SH3RF1: variants seen among roughly 807,000 people sequenced by gnomAD.
The protein encoded by SH3RF1 is SH3 domain containing ring finger 1.
A neutral mutation model predicts 74.0 loss-of-function variants in SH3RF1; 32 were observed. The ratio of observed to expected loss-of-function variants is 0.43; its 90% CI spans 0.33 to 0.58. The LOEUF is 0.58. Among genes scored for constraint, SH3RF1 ranks in the 20% least tolerant of loss-of-function variants. SH3RF1 has a pLI of 0.05. For synonymous variants in SH3RF1, 396 were observed against 439.6 expected (o/e 0.90, Z 1.24); for missense variants, 954 against 1,130.9 (o/e 0.84, Z 2.24).
intron 2 of SH3RF1, among the ~76,000 whole-genome samples, chr4:169,174,028 T>G (rs1420615292): frequency 6.6e-6 from 1 of 150,612 alleles, no homozygotes; most frequent in Non-Finnish European, 1.5e-5. Context: ...GTGACTGAAT[T>G]CATACCTGAA....
chr4:169,204,362 A>T (rs966553288), intron 2 of SH3RF1, among the ~76,000 whole-genome samples: 4 of 152,168 alleles, frequency 2.6e-5, no homozygotes, highest in Admixed American at 6.5e-5. Flanking sequence ...TATCTCCCTC[A>T]AAATCAAAAC....
chr4:169,105,750 G>GT (rs1465255564), intron 11 of SH3RF1, among the ~76,000 whole-genome samples: 1 of 152,176 alleles, frequency 6.6e-6, no homozygotes, highest in East Asian at 1.9e-4. Context: ...GCTGGGAATG[G>GT]TGGCACATGC....
intron 2 of SH3RF1, among the ~76,000 whole-genome samples, chr4:169,178,124 C>T (rs1734450350): frequency 6.6e-6 from 1 of 151,588 alleles, no homozygotes; most frequent in South Asian, 2.1e-4. Flanking sequence ...ACCTGTAACC[C>T]CAACTACTCA....
At chr4:169,170,758 C>T (rs1734314536) in intron 2 of SH3RF1, among the ~76,000 whole-genome samples, 1 of 152,158 alleles carries the variant, frequency 6.6e-6, no homozygotes, top group East Asian at 1.9e-4. Flanking sequence ...ATCAGATCAC[C>T]TGTCTGATCT....
At chr4:169,147,381 C>T (rs1733911515) in intron 4 of SH3RF1, among the ~76,000 whole-genome samples, 1 of 152,178 alleles carries the variant, frequency 6.6e-6, no homozygotes, top group Admixed American at 6.5e-5. Context: ...GACACACTGA[C>T]AGAAATTCCA....
chr4:169,233,316 T>C (rs1730774776), intron 2 of SH3RF1, among the ~76,000 whole-genome samples: 1 of 151,502 alleles, frequency 6.6e-6, no homozygotes, highest in Non-Finnish European at 1.5e-5. Flanking sequence ...ATATTCTGCT[T>C]AATTTAACAT....
chr4:169,211,498 A>G (rs141692036), intron 2 of SH3RF1, among the ~76,000 whole-genome samples: 2,467 of 150,878 alleles, frequency 0.016, 25 homozygotes, highest in Non-Finnish European at 0.026. Flanking sequence ...AAAAAAAAAA[A>G]AAGAAGAAGA....
intron 4 of SH3RF1, among the ~76,000 whole-genome samples, chr4:169,145,600 CATATTATAT>C (rs1733862934): frequency 6.8e-6 from 1 of 146,122 alleles, no homozygotes; most frequent in Non-Finnish European, 1.5e-5. Flanking sequence ...TAATAATGGT[CATATTATAT>C]ATATTATATA....
At chr4:169,254,059 C>T (rs949676622) in intron 2 of SH3RF1, among the ~76,000 whole-genome samples, 1 of 152,190 alleles carries the variant, frequency 6.6e-6, no homozygotes, top group Admixed American at 6.5e-5. Flanking sequence ...TTTACCTAGC[C>T]TTTGAGTACT....
chr4:169,241,874 A>G (rs1009376823), intron 2 of SH3RF1, among the ~76,000 whole-genome samples: 1 of 152,112 alleles, frequency 6.6e-6, no homozygotes, highest in African/African-American at 2.4e-5. Flanking sequence ...TTATGGCTGG[A>G]GGCCCTAAGT....
At chr4:169,119,267 C>T (rs1444033959) in intron 8 of SH3RF1, among the ~76,000 whole-genome samples, 1 of 144,000 alleles carries the variant, frequency 6.9e-6, no homozygotes, top group Non-Finnish European at 1.5e-5. Context: ...CCATGCCTGG[C>T]TAATTTTTGT....
chr4:169,238,347 C>A (rs990704423), intron 2 of SH3RF1, among the ~76,000 whole-genome samples: 7 of 152,170 alleles, frequency 4.6e-5, no homozygotes, highest in Non-Finnish European at 1.0e-4. Context: ...CTAGCACTGG[C>A]CAAATACAGT....
At chr4:169,225,118 A>T (rs552567672) in intron 2 of SH3RF1, among the ~76,000 whole-genome samples, 2 of 152,344 alleles carry the variant, frequency 1.3e-5, no homozygotes, top group East Asian at 3.9e-4. Flanking sequence ...TTACCAAGAC[A>T]AGGTTAGTGC....
At chr4:169,186,239 T>G (rs1287302070) in intron 2 of SH3RF1, among the ~76,000 whole-genome samples, 6 of 152,160 alleles carry the variant, frequency 3.9e-5, no homozygotes, top group Non-Finnish European at 7.4e-5. Flanking sequence ...ATGCCTGGAC[T>G]TATTGTTAAC....
intron 2 of SH3RF1, among the ~76,000 whole-genome samples, chr4:169,158,816 A>C (rs1734103144): frequency 6.6e-6 from 1 of 152,234 alleles, no homozygotes; most frequent in Admixed American, 6.5e-5. Context: ...TTCAAAAATT[A>C]GTTTGGTTTC....
chr4:169,269,632 C>G (rs1351532512), intron 1 of SH3RF1: 2 of 157,280 alleles, frequency 1.3e-5, no homozygotes, highest in African/African-American at 2.4e-5. Context: ...AAAGTGGTAT[C>G]AGCTGCCTTA....
chr4:169,222,937 C>A (rs1044244477), intron 2 of SH3RF1, among the ~76,000 whole-genome samples: 4 of 152,194 alleles, frequency 2.6e-5, no homozygotes, highest in Non-Finnish European at 5.9e-5. Context: ...GTGTGGACAG[C>A]ACCCCTGTCC....
At chr4:169,262,512 C>A (rs1731295129) in intron 2 of SH3RF1, among the ~76,000 whole-genome samples, 1 of 151,934 alleles carries the variant, frequency 6.6e-6, no homozygotes, top group African/African-American at 2.4e-5. Context: ...ACTAAAAGTA[C>A]AAAAATTAGC....
chr4:169,218,307 AG>A lies in SH3RF1; in HGVS notation c.393+50512del, dbSNP rs202026335. On this transcript the variant is annotated intron_variant, in intron 2 of 11. Transcript: ENST00000284637. ...AATATATAATATATAATATAAATAT[AG>A]AATATAGAATATAGAATACAGATTA... 5.3e-3 allele frequency among the ~76,000 whole-genome samples: 514 copies of A among 96,738 alleles called. 3 individuals carry two copies. The highest frequency in any genetic ancestry group is 0.014 in the African/African-American group (490 of 34,514). 63.5% of individuals were successfully genotyped at this position (96,738 alleles called of 152,430 possible).
Sources: allele counts gnomAD v4.1 joint callset (sites outside exome capture counted in the v4.1 genomes callset), GRCh38; gene constraint gnomAD v4.1.1; transcripts MANE v1.5; gene names NCBI Gene and HGNC (gene_info 2026-07-23, HGNC 2026-07-21).